Variants in MYO16 observed in about 807,000 individuals in gnomAD.
MYO16 encodes unconventional myosin-XVI.
In MYO16, 94 loss-of-function variants were observed where a neutral mutation model predicts 205.3. The ratio of observed to expected loss-of-function variants is 0.46; its 90% CI spans 0.39 to 0.54. The LOEUF is 0.54. Ranked by LOEUF, MYO16 falls within the 20% of genes least tolerant of loss-of-function variation. The pLI is 0.00. For synonymous variants in MYO16, 988 were observed against 954.0 expected, an observed-to-expected ratio of 1.04 and a Z score of -0.66; for missense variants, 2,315 against 2,387.5, an observed-to-expected ratio of 0.97 and a Z score of 0.63.
At chr13:108,761,479 G>A (rs1414627361) in intron 4 of MYO16, among the ~76,000 whole-genome samples, 1 of 151,094 alleles carries the variant, frequency 6.6e-6, no homozygotes, top group Non-Finnish European at 1.5e-5. Flanking sequence ...TATCATTTCT[G>A]TTACCATCTA....
chr13:109,133,111 G>A (rs910439496), intron 31 of MYO16, among the ~76,000 whole-genome samples: 13 of 152,188 alleles, frequency 8.5e-5, no homozygotes, highest in South Asian at 6.2e-4. Context: ...ACAAAGTTGC[G>A]ACATATGACA....
chr13:108,570,282 T>C, the MYO16 span, among the ~76,000 whole-genome samples: 1 of 152,122 alleles, frequency 6.6e-6, no homozygotes, highest in South Asian at 2.1e-4. Context: ...TAAATCTTGT[T>C]CTATCACCCA....
chr13:109,100,394 C>T (rs748319932), intron 27 of MYO16, among the ~76,000 whole-genome samples: 52 of 152,248 alleles, frequency 3.4e-4, no homozygotes, highest in Middle Eastern at 3.4e-3. Context: ...TCTGAATTCA[C>T]GCTTAAGTGG....
chr13:108,993,167 C>T (rs955232474), intron 21 of MYO16, among the ~76,000 whole-genome samples: 6 of 152,074 alleles, frequency 3.9e-5, no homozygotes, highest in African/African-American at 1.2e-4. Context: ...GAGGAATTTT[C>T]ATAGTTACGT....
chr13:109,084,555 C>T (rs886499685), intron 27 of MYO16, among the ~76,000 whole-genome samples: 2 of 152,138 alleles, frequency 1.3e-5, no homozygotes, highest in African/African-American at 4.8e-5. Flanking sequence ...GGGATGGTCA[C>T]TAGCATCATC....
intron 20 of MYO16, among the ~76,000 whole-genome samples, chr13:108,966,014 A>G (rs1343360058): frequency 1.3e-5 from 2 of 152,208 alleles, no homozygotes; most frequent in African/African-American, 2.4e-5. Context: ...TCTTAAATAA[A>G]TATAGACATC....
chr13:108,916,891 T>C (rs1881516363), intron 16 of MYO16, among the ~76,000 whole-genome samples: 1 of 152,196 alleles, frequency 6.6e-6, no homozygotes, highest in Non-Finnish European at 1.5e-5. Context: ...GTTTCAAATT[T>C]CTGTTCATTG....
chr13:108,802,150 ACAATAGT>A (rs1886986797), intron 6 of MYO16, among the ~76,000 whole-genome samples: 1 of 152,094 alleles, frequency 6.6e-6, no homozygotes, highest in Admixed American at 6.6e-5. Context: ...TTTTTTGTTG[ACAATAGT>A]CATCCTGCTT....
intron 4 of MYO16, among the ~76,000 whole-genome samples, chr13:108,778,525 A>C (rs1049422243): frequency 2.0e-5 from 3 of 152,220 alleles, no homozygotes; most frequent in South Asian, 2.1e-4. Flanking sequence ...AGGCTGAGGC[A>C]GGAGAATCGC....
chr13:108,631,431 GA>G (rs1421575875), intron 1 of MYO16, among the ~76,000 whole-genome samples: 1 of 152,162 alleles, frequency 6.6e-6, no homozygotes, highest in African/African-American at 2.4e-5. Context: ...TAGAATTTCG[GA>G]AAATTGTAGA....
chr13:108,727,634 G>T (rs779635001), intron 4 of MYO16, 51 bp downstream of exon 4: 60 of 1,558,774 alleles, frequency 3.8e-5, no homozygotes, highest in Non-Finnish European at 5.2e-5. Flanking sequence ...GCATGTAAAA[G>T]GCTATATATT....
chr13:109,125,468 C>T lies in MYO16; in HGVS notation c.3782+110C>T. 1.4e-6 allele frequency: 2 copies of T among 1,401,936 alleles called. No homozygotes were observed. Among genetic ancestry groups the T allele is most frequent in the South Asian group, 1.4e-5 (1 of 72,424 alleles). 86.8% of individuals were successfully genotyped at this position (1,401,936 alleles called of 1,614,324 possible). A position where few individuals can be genotyped will look rare whatever the true frequency, so the allele number is the denominator to read the frequency against. ...GTTCAATCAAATATGACAGGAGTTG[C>T]AGGAACAGGCATGCGTGGTTTGTTA... On this transcript the variant is annotated intron_variant, in intron 30 of 34. Transcript: ENST00000457511. The surrounding 1 kb of genome is among the most constrained non-coding windows in gnomAD (Gnocchi z 4.0).
At chr13:108,910,192 A>T (rs1881190350) in intron 16 of MYO16, 42 bp downstream of exon 16, 1 of 1,571,284 alleles carries the variant, frequency 6.4e-7, no homozygotes, top group Non-Finnish European at 8.7e-7. Flanking sequence ...TATGCCTTCA[A>T]ATTGTGATTG....
intron 27 of MYO16, among the ~76,000 whole-genome samples, chr13:109,087,475 G>C (rs1425958617): frequency 6.6e-6 from 1 of 152,142 alleles, no homozygotes; most frequent in African/African-American, 2.4e-5. Flanking sequence ...ATGAAACCCT[G>C]TCTCTACTAA....
At chr13:108,945,350 G>C (rs758475989) in intron 16 of MYO16, among the ~76,000 whole-genome samples, 6 of 152,112 alleles carry the variant, frequency 3.9e-5, no homozygotes, top group African/African-American at 9.7e-5. Flanking sequence ...CACAATTCAT[G>C]GCCAGGGACC....
chr13:108,790,228 T>A lies in MYO16; in HGVS notation c.617-3288T>A, dbSNP rs1161081259. On this transcript the variant is annotated intron_variant, in intron 5 of 34. Coordinates refer to ENST00000457511, the MANE Select transcript of MYO16 (RefSeq NM_001198950.3). ...TCATCAGAGAAAAGGAAAAGTTGAA[T>A]TCTTACAAAAACAATATTACCTTAA... Among the ~76,000 whole-genome samples, 3 of 152,168 alleles carry A rather than the reference T, an allele frequency of 2.0e-5. No homozygotes were observed. The East Asian group carries it at 5.8e-4, about 29-fold the overall frequency.
chr13:108,652,152 T>A (rs1366597545), intron 1 of MYO16, among the ~76,000 whole-genome samples: 2 of 147,404 alleles, frequency 1.4e-5, no homozygotes, highest in Non-Finnish European at 3.1e-5. Flanking sequence ...TGTGTGTGTG[T>A]GTGCGCGCGC....
At chr13:108,495,748 G>C in the MYO16 span, among the ~76,000 whole-genome samples, 3 of 150,852 alleles carry the variant, frequency 2.0e-5, no homozygotes, top group Non-Finnish European at 4.4e-5. Context: ...GCCGCCGAGC[G>C]GGTGGCGGAG....
intron 33 of MYO16, among the ~76,000 whole-genome samples, chr13:109,172,237 C>A (rs1431099376): frequency 6.6e-6 from 1 of 152,194 alleles, no homozygotes; most frequent in African/African-American, 2.4e-5. Context: ...ATACCCTTGT[C>A]TGACTGAAAG....
Sources: allele counts gnomAD v4.1 joint callset (sites outside exome capture counted in the v4.1 genomes callset), GRCh38; gene constraint gnomAD v4.1.1; non-coding constraint Gnocchi (gnomAD v3.1); transcripts MANE v1.5; gene names NCBI Gene and HGNC (gene_info 2026-07-23, HGNC 2026-07-21).